Variants in SRP54 observed in about 807,000 individuals in gnomAD.
SRP54 encodes signal recognition particle 54.
Under a neutral mutation model 64.8 loss-of-function variants are expected in SRP54, and 10 were observed. The observed-to-expected ratio is 0.15, with a 90% CI of 0.10 to 0.26. The LOEUF is 0.26. SRP54 is among the 10% of genes least tolerant of loss of function. SRP54 has a pLI of 1.00. For missense variants in SRP54, 325 were observed against 613.7 expected (o/e 0.53, Z 4.97); for synonymous variants, 193 against 185.6 (o/e 1.04, Z -0.32).
intron 1 of SRP54, among the ~76,000 whole-genome samples, chr14:34,983,902 G>A (rs775496131): frequency 9.9e-5 from 15 of 152,220 alleles, no homozygotes; most frequent in Non-Finnish European, 2.2e-4. Context: ...AAGAGCTGTA[G>A]AAAGCTGTGG....
At chr14:35,023,639 C>A (rs1407913045) in intron 14 of SRP54, among the ~76,000 whole-genome samples, 1 of 151,906 alleles carries the variant, frequency 6.6e-6, no homozygotes, top group African/African-American at 2.4e-5. Flanking sequence ...CAAAAAATAT[C>A]CGGGTGTCGT....
chr14:35,014,840 T>A lies in SRP54; in HGVS notation c.973+10T>A. The A allele has an allele frequency of 6.3e-7, 1 of 1,587,802 alleles. No individual in the cohort carries two copies. Among genetic ancestry groups the A allele is most frequent in the Non-Finnish European group, 8.6e-7 (1 of 1,167,924 alleles). On this transcript the variant is annotated intron_variant, in intron 11 of 15. Transcript: ENST00000216774. ...GAGAAGTTGAAACATGGTATATGAGTGACAAAAAAGCACTTCATCTCAGAT... is the reference window on the plus strand; with the variant it reads ...GAGAAGTTGAAACATGGTATATGAGAGACAAAAAAGCACTTCATCTCAGAT...
At chr14:35,024,685 G>A (rs2044593120) in intron 14 of SRP54, among the ~76,000 whole-genome samples, 1 of 148,588 alleles carries the variant, frequency 6.7e-6, no homozygotes, top group Non-Finnish European at 1.5e-5. Flanking sequence ...CTTTACAGAG[G>A]TAATCAAGTT....
chr14:35,013,562 T>C, intron 9 of SRP54, 68 bp downstream of exon 9: 2 of 1,483,758 alleles, frequency 1.3e-6, no homozygotes, highest in Non-Finnish European at 1.8e-6. Flanking sequence ...GTTTATAGCT[T>C]TCATATTGAT....
At chr14:34,996,892 T>C in intron 2 of SRP54, 105 bp downstream of exon 2, 1 of 812,064 alleles carries the variant, frequency 1.2e-6, no homozygotes, top group Non-Finnish European at 2.0e-6. Flanking sequence ...TGATGTAGAC[T>C]TAATACTTGT....
chr14:35,014,770 G>A lies in SRP54; in HGVS notation c.913G>A (p.Asp305Asn). Residue 305 changes from aspartate (D) to asparagine (N), a missense_variant, in exon 11 of 16, where the codon GAT (aspartate) becomes AAT (asparagine). Coordinates refer to ENST00000216774, the MANE Select transcript of SRP54 (RefSeq NM_003136.4). ...TATGGGCGACATTGAAGGACTGATA[G>A]ATAAAGTCAACGAGTTGAAGTTGGA... Reference protein sequence around the residue: ...LGMGDIEGLIDKVNELKLDDN... With the variant: ...LGMGDIEGLINKVNELKLDDN... The A allele has an allele frequency of 6.2e-7, 1 of 1,613,866 alleles. No individual in the cohort carries two copies. The highest frequency in any genetic ancestry group is 8.5e-7 in the Non-Finnish European group (1 of 1,179,950).
chr14:34,983,746 T>C (rs540542899), intron 1 of SRP54, among the ~76,000 whole-genome samples: 18 of 152,338 alleles, frequency 1.2e-4, no homozygotes, highest in African/African-American at 4.3e-4. Flanking sequence ...ACCTGATTCT[T>C]TCACATGCTT....
intron 8 of SRP54, among the ~76,000 whole-genome samples, chr14:35,011,947 G>A (rs752405189): frequency 6.6e-6 from 1 of 152,122 alleles, no homozygotes; most frequent in Non-Finnish European, 1.5e-5. Flanking sequence ...GGCCGGGTAT[G>A]GTGGCTCACA....
intron 1 of SRP54, among the ~76,000 whole-genome samples, chr14:34,992,815 C>G (rs1271822603): frequency 6.6e-6 from 1 of 151,994 alleles, no homozygotes; most frequent in East Asian, 1.9e-4. Flanking sequence ...ATTAAAGACA[C>G]TTCCTAAAGT....
chr14:34,994,917 C>T (rs143506815), intron 1 of SRP54, among the ~76,000 whole-genome samples: 2,252 of 147,538 alleles, frequency 0.015, 47 homozygotes, highest in African/African-American at 0.05. Context: ...AGGCACATGC[C>T]GCCATGCCTG....
chr14:35,010,920 A>G (rs772273298), intron 7 of SRP54, among the ~76,000 whole-genome samples: 6 of 152,022 alleles, frequency 3.9e-5, no homozygotes, highest in Admixed American at 1.3e-4. Flanking sequence ...TTCTTTTTTC[A>G]CCCGTGTTAA....
At chr14:35,007,423 A>G in intron 5 of SRP54, 36 bp downstream of exon 5, 1 of 1,401,724 alleles carries the variant, frequency 7.1e-7, no homozygotes, top group African/African-American at 1.4e-5. Flanking sequence ...AGTCATATGG[A>G]AGATAGGTTT....
Position 35,029,042 on chromosome 14 carries a change from T to A in SRP54, c.1424-19T>A, listed in dbSNP as rs767254217. 4.4e-6 allele frequency: 7 copies of A among 1,600,622 alleles called. No homozygotes were observed. Among genetic ancestry groups the A allele is most frequent in the Admixed American group, 1.7e-5 (1 of 59,372 alleles). ...AATAATTCTCTGTTTTTAACTCTAC[T>A]TCCCTACTTTTGCTCTAGGTGGTAT... On this transcript the variant is annotated intron_variant, in intron 15 of 15. Coordinates refer to ENST00000216774, the MANE Select transcript of SRP54 (RefSeq NM_003136.4).
chr14:35,023,143 G>C, intron 14 of SRP54, 63 bp downstream of exon 14: 1 of 1,387,204 alleles, frequency 7.2e-7, no homozygotes, highest in Non-Finnish European at 9.9e-7. Context: ...AGAAAAAAGA[G>C]TGCTGCCAGT....
At chr14:35,003,506 C>T (rs1299990903) in intron 4 of SRP54, among the ~76,000 whole-genome samples, 1 of 151,890 alleles carries the variant, frequency 6.6e-6, no homozygotes, top group Admixed American at 6.6e-5. Context: ...TCCAGAGAAG[C>T]TAGGACTACA....
At chr14:34,988,578 A>AAAAAAAAAATTATATATAT (rs1384552218) in intron 1 of SRP54, among the ~76,000 whole-genome samples, 1 of 47,102 alleles carries the variant, frequency 2.1e-5, no homozygotes, top group Non-Finnish European at 4.8e-5. Flanking sequence ...AAAAAAAAAA[A>AAAAAAAAAATTATATATAT]ATATATATAT....
At chr14:35,009,714 C>CT (rs1239930495) in intron 7 of SRP54, among the ~76,000 whole-genome samples, 1 of 151,950 alleles carries the variant, frequency 6.6e-6, no homozygotes, top group Non-Finnish European at 1.5e-5. Flanking sequence ...ATTATATTGG[C>CT]GGTATTTTTA....
At chr14:35,025,819 T>C (rs186597009) in intron 14 of SRP54, among the ~76,000 whole-genome samples, 2 of 152,330 alleles carry the variant, frequency 1.3e-5, no homozygotes, top group East Asian at 3.9e-4. Context: ...CCAGCTGTGA[T>C]TGGAGAATCA....
chr14:34,995,185 GTGT>G (rs1303640475), intron 1 of SRP54, among the ~76,000 whole-genome samples: 46 of 103,002 alleles, frequency 4.5e-4, no homozygotes, highest in African/African-American at 1.3e-3. Context: ...GTGTGTGTGT[GTGT>G]AGAGAGAGAG....
Sources: allele counts gnomAD v4.1 joint callset (sites outside exome capture counted in the v4.1 genomes callset), GRCh38; gene constraint gnomAD v4.1.1; transcripts MANE v1.5; gene names NCBI Gene and HGNC (gene_info 2026-07-23, HGNC 2026-07-21).